The following APCDD1L variants were observed in gnomAD, a reference collection of about 807,000 sequenced individuals.
APCDD1L encodes protein APCDD1-like.
A neutral mutation model predicts 24.2 loss-of-function variants in APCDD1L; 21 were observed. The observed-to-expected ratio is 0.87, with a 90% CI of 0.61 to 1.25. The LOEUF (loss-of-function observed/expected upper bound fraction) is 1.25, where lower values mean the gene tolerates loss of function less well. Among genes scored for constraint, APCDD1L ranks in the 50% most tolerant of loss-of-function variants. APCDD1L has a pLI of 0.00. For missense variants in APCDD1L, 704 were observed against 711.7 expected (o/e 0.99, Z 0.12); for synonymous variants, 321 against 323.6 (o/e 0.99, Z 0.09).
chr20:58,502,299 C>T (rs1029750076), intron 1 of APCDD1L, among the ~76,000 whole-genome samples: 1 of 152,138 alleles, frequency 6.6e-6, no homozygotes, highest in Admixed American at 6.5e-5. Flanking sequence ...GGAGGTTTCA[C>T]CATGTTGGCC....
At chr20:58,488,248 A>G (rs2123165528) in intron 1 of APCDD1L, among the ~76,000 whole-genome samples, 1 of 152,270 alleles carries the variant, frequency 6.6e-6, no homozygotes, top group Middle Eastern at 3.4e-3. Context: ...GCCCTATACA[A>G]TGCAATAATA....
At chr20:58,503,668 C>T (rs1482642949) in intron 1 of APCDD1L, among the ~76,000 whole-genome samples, 1 of 152,152 alleles carries the variant, frequency 6.6e-6, no homozygotes, top group Non-Finnish European at 1.5e-5. Flanking sequence ...TTTTAACGCA[C>T]ACTGAGCTCT....
chr20:58,483,717 G>T (rs1990067961), intron 1 of APCDD1L, among the ~76,000 whole-genome samples: 1 of 152,238 alleles, frequency 6.6e-6, no homozygotes, highest in South Asian at 2.1e-4. Context: ...TGTTAAGGAT[G>T]ATGTCGTGCA....
At chr20:58,489,847 C>T (rs1030501841) in intron 1 of APCDD1L, among the ~76,000 whole-genome samples, 1 of 151,820 alleles carries the variant, frequency 6.6e-6, no homozygotes, top group Non-Finnish European at 1.5e-5. Context: ...TGGGGGCCCT[C>T]TTAAGAAAAA....
Position 58,514,756 on chromosome 20 carries a change from A to G in APCDD1L, c.-49T>C. The G allele has an allele frequency of 7.9e-7, 1 of 1,267,024 alleles. No individual in the cohort carries two copies. The highest frequency in any genetic ancestry group is 1.0e-6 in the Non-Finnish European group (1 of 998,030). The allele number at this position is 1,267,024 out of a possible 1,614,324, so 78.5% of individuals were successfully genotyped here. A position where few individuals can be genotyped will look rare whatever the true frequency, so the allele number is the denominator to read the frequency against. ...CCGCCGGGCGCTGCCACGGTGCGCA[A>G]GGGGAGGCGCGGGCGCAGGGCTCTC... On this transcript the variant is annotated 5_prime_UTR_variant, in exon 1 of 4. Transcript: ENST00000371149.
At chr20:58,469,305 G>A (rs1434224885) in intron 2 of APCDD1L, among the ~76,000 whole-genome samples, 1 of 151,900 alleles carries the variant, frequency 6.6e-6, no homozygotes, top group Non-Finnish European at 1.5e-5. Flanking sequence ...ACTAGTATAG[G>A]TACTTAAAAA....
chr20:58,471,052 C>T (rs1324969350), intron 1 of APCDD1L, among the ~76,000 whole-genome samples: 1 of 152,216 alleles, frequency 6.6e-6, no homozygotes, highest in Non-Finnish European at 1.5e-5. Context: ...GAGAATTGTA[C>T]ACGTGGAGCA....
intron 1 of APCDD1L, 26 bp from the exon 2 acceptor site, chr20:58,470,773 G>A: frequency 6.6e-7 from 1 of 1,519,858 alleles, no homozygotes; most frequent in Non-Finnish European, 8.8e-7. Context: ...ACCTGGGTAA[G>A]ACCCCAGCAT....
At position 58,515,034 on chromosome 20, in the gene APCDD1L, C is replaced by T. The variant is rs768496228; in HGVS notation, c.-327G>A. The T allele has an allele frequency of 1.9e-5, 5 of 265,744 alleles. No individual in the cohort carries two copies. The highest frequency in any genetic ancestry group is 4.4e-5 in the African/African-American group (2 of 45,092). The allele number at this position is 265,744 out of a possible 1,614,324, so 16.5% of individuals were successfully genotyped here. A position where few individuals can be genotyped will look rare whatever the true frequency, so the allele number is the denominator to read the frequency against. ...GACCCCCAGCCCTCCCCCAGATGTC[C>T]GTCCCCTGGCCGTCGCCTTCCCCAA... is the stretch of plus-strand genomic sequence containing the variant. On this transcript the variant is annotated 5_prime_UTR_variant, in exon 1 of 4. Transcript: ENST00000371149.
In APCDD1L at chr20:58,508,244, G is replaced by T; in HGVS notation, c.49+6415C>A. On this transcript the variant is annotated intron_variant, in intron 1 of 3. Coordinates refer to ENST00000371149, the MANE Select transcript of APCDD1L (RefSeq NM_153360.3). The surrounding 1 kb of genome is among the most constrained non-coding windows in gnomAD (Gnocchi z 4.0). ...AGGAATGCAGCTGATGGACAGGCTG[G>T]TGGGCTCTGAGTGACTGCTTCATGG... Among the ~76,000 whole-genome samples, 2 of 152,344 alleles carry T rather than the reference G, an allele frequency of 1.3e-5. No homozygotes were observed. Among genetic ancestry groups the T allele is most frequent in the South Asian group, 4.1e-4 (2 of 4,826 alleles).
In APCDD1L at chr20:58,460,664, G is replaced by A; in HGVS notation, c.*126C>T. The A allele has an allele frequency of 3.3e-6, 4 of 1,215,120 alleles. No homozygotes were observed. The highest frequency in any genetic ancestry group is 4.4e-6 in the Non-Finnish European group (4 of 910,854). The allele number at this position is 1,215,120 out of a possible 1,614,324, so 75.3% of individuals were successfully genotyped here. On this transcript the variant is annotated 3_prime_UTR_variant, in exon 4 of 4. Coordinates refer to ENST00000371149, the MANE Select transcript of APCDD1L (RefSeq NM_153360.3). The surrounding 1 kb of genome is among the most constrained non-coding windows in gnomAD (Gnocchi z 4.2). ...CATGGGACACAGGCAGAGTTTGGAA[G>A]CAGTGGGGCTGTGCATCCATCCATG...
intron 1 of APCDD1L, among the ~76,000 whole-genome samples, chr20:58,496,418 A>G (rs934160009): frequency 1.3e-5 from 2 of 152,224 alleles, no homozygotes; most frequent in African/African-American, 4.8e-5. Context: ...AGAGGGACAG[A>G]CATTGCTCAA....
At chr20:58,480,614 G>A (rs969808309) in intron 1 of APCDD1L, among the ~76,000 whole-genome samples, 2 of 152,172 alleles carry the variant, frequency 1.3e-5, no homozygotes, top group Non-Finnish European at 2.9e-5. Context: ...AACTCCCCGA[G>A]GCCTCTGCTT....
chr20:58,479,441 A>C (rs896112725), intron 1 of APCDD1L, among the ~76,000 whole-genome samples: 1 of 152,190 alleles, frequency 6.6e-6, no homozygotes, highest in Admixed American at 6.5e-5. Flanking sequence ...GCTGTATCAG[A>C]GGTTTTCAAG....
chr20:58,472,716 C>A (rs939576766), intron 1 of APCDD1L, among the ~76,000 whole-genome samples: 1 of 152,246 alleles, frequency 6.6e-6, no homozygotes, highest in African/African-American at 2.4e-5. Flanking sequence ...CACACCGACT[C>A]ATCAGCACTT....
chr20:58,468,892 T>C (rs1201020728), intron 2 of APCDD1L, among the ~76,000 whole-genome samples: 11 of 152,158 alleles, frequency 7.2e-5, no homozygotes, highest in Admixed American at 5.9e-4. Context: ...ACCAGGGCTG[T>C]TGGAGCAGAG....
chr20:58,495,057 G>T (rs538068364), intron 1 of APCDD1L, among the ~76,000 whole-genome samples: 1 of 152,268 alleles, frequency 6.6e-6, no homozygotes, highest in South Asian at 2.1e-4. Flanking sequence ...CTGCCTGCTG[G>T]ACACTGGCCC....
At chr20:58,486,713 T>C (rs1990123505) in intron 1 of APCDD1L, among the ~76,000 whole-genome samples, 1 of 151,926 alleles carries the variant, frequency 6.6e-6, no homozygotes, top group African/African-American at 2.4e-5. Context: ...TGTGTACCCA[T>C]CAAAATACTC....
chr20:58,513,852 G>T, intron 1 of APCDD1L: 1 of 1,293,512 alleles, frequency 7.7e-7, no homozygotes, highest in Non-Finnish European at 1.0e-6. Flanking sequence ...GTTGATCTGG[G>T]CTTCCCAGCC....
Sources: gnomAD v4.1 joint callset for allele counts (sites outside exome capture counted in the v4.1 genomes callset) on GRCh38, gnomAD v4.1.1 for gene constraint, Gnocchi (gnomAD v3.1) non-coding constraint, MANE v1.5 for transcripts, NCBI Gene and HGNC (gene_info 2026-07-23, HGNC 2026-07-21) for gene names.